Variants in HS3ST4 observed in about 807,000 individuals in gnomAD.
HS3ST4 encodes heparan sulfate-glucosamine 3-sulfotransferase 4, also known as heparan sulfate glucosamine 3-O-sulfotransferase 4.
Under a neutral mutation model 29.2 loss-of-function variants are expected in HS3ST4, and 17 were observed. The ratio of observed to expected loss-of-function variants is 0.58; its 90% confidence interval spans 0.40 to 0.87. The LOEUF (loss-of-function observed/expected upper bound fraction) is 0.87. HS3ST4 is among the 40% of genes least tolerant of loss of function. The pLI, the probability that HS3ST4 is intolerant of heterozygous loss-of-function variation, is 0.00. For missense variants in HS3ST4, 627 were observed against 634.5 expected (o/e 0.99, Z 0.13); for synonymous variants, 314 against 285.7 (o/e 1.10, Z -1.00).
intron 1 of HS3ST4, among the ~76,000 whole-genome samples, chr16:25,776,675 G>T (rs1325486025): frequency 6.6e-6 from 1 of 152,176 alleles, no homozygotes; most frequent in Non-Finnish European, 1.5e-5. Flanking sequence ...GAGAAAAAAT[G>T]ATCAGATACC....
intron 1 of HS3ST4, among the ~76,000 whole-genome samples, chr16:25,773,218 CT>C (rs1966844480): frequency 6.6e-6 from 1 of 152,198 alleles, no homozygotes; most frequent in Admixed American, 6.5e-5. Context: ...GCACAGCATT[CT>C]CAAATGTCTC....
At chr16:26,122,579 T>C (rs1899290443) in intron 1 of HS3ST4, among the ~76,000 whole-genome samples, 1 of 152,162 alleles carries the variant, frequency 6.6e-6, no homozygotes, top group Non-Finnish European at 1.5e-5. Flanking sequence ...CTTGCGCACC[T>C]CAGGTGGTAA....
intron 1 of HS3ST4, among the ~76,000 whole-genome samples, chr16:25,991,914 G>A (rs1299655490): frequency 1.4e-5 from 2 of 146,242 alleles, no homozygotes; most frequent in African/African-American, 2.5e-5. Context: ...CCAGCTACTC[G>A]GGAGGCTGAG....
intron 1 of HS3ST4, among the ~76,000 whole-genome samples, chr16:25,948,930 G>C (rs4257210): frequency 0.12 from 18,484 of 152,126 alleles, 1,200 homozygotes; most frequent in African/African-American, 0.16. Flanking sequence ...AAATTCTGGG[G>C]TCTGAGGATG....
chr16:26,051,343 C>G (rs2141765497), intron 1 of HS3ST4, among the ~76,000 whole-genome samples: 1 of 152,284 alleles, frequency 6.6e-6, no homozygotes, highest in South Asian at 2.1e-4. Context: ...GCTGTCTACA[C>G]ACAGATAACA....
chr16:25,790,255 C>A (rs993997864), intron 1 of HS3ST4, among the ~76,000 whole-genome samples: 1 of 151,970 alleles, frequency 6.6e-6, no homozygotes, highest in Non-Finnish European at 1.5e-5. Flanking sequence ...TACAAAAATA[C>A]AAAAATTAGC....
chr16:25,855,572 T>G (rs1351323990), intron 1 of HS3ST4, among the ~76,000 whole-genome samples: 10 of 152,154 alleles, frequency 6.6e-5, no homozygotes, highest in Admixed American at 6.5e-4. Flanking sequence ...AAGGAGTCTG[T>G]TTTGTCAGTC....
At chr16:26,030,932 T>G (rs1351452715) in intron 1 of HS3ST4, among the ~76,000 whole-genome samples, 2 of 151,052 alleles carry the variant, frequency 1.3e-5, no homozygotes, top group African/African-American at 2.4e-5. Flanking sequence ...AAGCAGGGGG[T>G]TTTGCCTGCT....
chr16:26,032,755 G>A (rs1294650476), intron 1 of HS3ST4: 22 of 1,130,090 alleles, frequency 1.9e-5, no homozygotes, highest in East Asian at 4.7e-5. Flanking sequence ...TCTGTGGTTC[G>A]TCCTTCACCT....
chr16:25,987,776 ATT>A (rs200029182), intron 1 of HS3ST4, among the ~76,000 whole-genome samples: 83 of 149,122 alleles, frequency 5.6e-4, no homozygotes, highest in Admixed American at 8.7e-4. Context: ...TGATTAATTG[ATT>A]TTTTTTTTTG....
chr16:25,795,731 G>A (rs1417746396), intron 1 of HS3ST4, among the ~76,000 whole-genome samples: 1 of 152,126 alleles, frequency 6.6e-6, no homozygotes, highest in African/African-American at 2.4e-5. Context: ...GGCAGCAGGG[G>A]AACAGGCATC....
In HS3ST4 at chr16:25,809,762, A is replaced by G. The variant is rs555752249; in HGVS notation, c.734+116611A>G. ...TTGAGGAATTGGTTCATTTCTTCTA[A>G]GTTGTTGAATAGTGTATAGTTGTTC... On this transcript the variant is annotated intron_variant, in intron 1 of 1. Transcript: ENST00000331351. 3.3e-5 allele frequency among the ~76,000 whole-genome samples: 5 copies of G among 152,050 alleles called. No homozygotes were observed. The South Asian group carries it at 1.0e-3, about 32-fold the overall frequency.
chr16:25,834,519 T>G (rs993165695), intron 1 of HS3ST4, among the ~76,000 whole-genome samples: 4 of 152,226 alleles, frequency 2.6e-5, no homozygotes, highest in African/African-American at 4.8e-5. Context: ...AAATCAATGT[T>G]GAGAGATGAA....
intron 1 of HS3ST4, among the ~76,000 whole-genome samples, chr16:25,954,647 G>C (rs1157339371): frequency 6.6e-6 from 1 of 152,062 alleles, no homozygotes; most frequent in Non-Finnish European, 1.5e-5. Context: ...GTAAAATTAA[G>C]CATCCCAAAT....
chr16:25,871,825 A>G (rs4787776), intron 1 of HS3ST4, among the ~76,000 whole-genome samples: 91,382 of 151,516 alleles, frequency 0.6, 28,247 homozygotes, highest in Non-Finnish European at 0.67. Flanking sequence ...GGATCAGGCT[A>G]GACAATTGTC....
rs940660142 is a variant in HS3ST4 at position 25,692,684 on chromosome 16, G to A, written c.267G>A (p.Val89=). ...CACCCTCTCTGCTGCCTACCCCCGT[G>A]CGCCTCGGCGCCCCCTCGCAGCCGC... The part of the protein sequence containing the change: ...PPPPSLLPTP[V]RLGAPSQPPA... Residue 89 remains valine, a synonymous_variant, in exon 1 of 2, where the codon GTG becomes GTA. Coordinates refer to ENST00000331351, the MANE Select transcript of HS3ST4 (RefSeq NM_006040.3). 4 of 1,235,218 alleles carry A rather than the reference G, an allele frequency of 3.2e-6. No homozygotes were observed. Among genetic ancestry groups the A allele is most frequent in the Non-Finnish European group, 3.0e-6 (3 of 992,108 alleles). 76.5% of individuals were successfully genotyped at this position (1,235,218 alleles called of 1,614,324 possible). A position where few individuals can be genotyped will look rare whatever the true frequency, so the allele number is the denominator to read the frequency against.
At chr16:25,706,379 C>A (rs948624897) in intron 1 of HS3ST4, among the ~76,000 whole-genome samples, 11 of 151,986 alleles carry the variant, frequency 7.2e-5, no homozygotes, top group Admixed American at 5.9e-4. Flanking sequence ...CTTTTTAAAT[C>A]TTTTTTAATA....
chr16:26,045,884 A>G (rs1898259102), intron 1 of HS3ST4, among the ~76,000 whole-genome samples: 1 of 152,134 alleles, frequency 6.6e-6, no homozygotes, highest in Non-Finnish European at 1.5e-5. Flanking sequence ...TTTGTTCTCT[A>G]CACAATCTAG....
intron 1 of HS3ST4, among the ~76,000 whole-genome samples, chr16:25,837,161 G>T (rs1008816340): frequency 3.3e-5 from 5 of 152,170 alleles, no homozygotes; most frequent in African/African-American, 4.8e-5. Flanking sequence ...GGGGACTAGG[G>T]TCAGCCATGA....
Sources: allele counts gnomAD v4.1 joint callset (sites outside exome capture counted in the v4.1 genomes callset), GRCh38; gene constraint gnomAD v4.1.1; transcripts MANE v1.5; gene names NCBI Gene and HGNC (gene_info 2026-07-23, HGNC 2026-07-21).